Variants in CRB1 observed in about 807,000 individuals in gnomAD.
The protein encoded by CRB1 is crumbs cell polarity complex component 1, also known as protein crumbs homolog 1.
A neutral mutation model predicts 120.0 loss-of-function variants in CRB1; 83 were observed. The ratio of observed to expected loss-of-function variants is 0.69; its 90% CI spans 0.58 to 0.83. The LOEUF (loss-of-function observed/expected upper bound fraction) is 0.83. Ranked by LOEUF, CRB1 falls within the 40% of genes least tolerant of loss-of-function variation. The pLI is 0.00. For synonymous variants in CRB1, 625 were observed against 612.5 expected (o/e 1.02, Z -0.30); for missense variants, 1,699 against 1,687.6 (o/e 1.01, Z -0.12).
chr1:197,383,752 C>T (rs1662076050), intron 5 of CRB1, among the ~76,000 whole-genome samples: 1 of 152,158 alleles, frequency 6.6e-6, no homozygotes, highest in South Asian at 2.1e-4. Context: ...AACATTTTCT[C>T]TCCTCTTTAT....
At chr1:197,400,702 T>C (rs1314213504) in intron 5 of CRB1, among the ~76,000 whole-genome samples, 1 of 152,128 alleles carries the variant, frequency 6.6e-6, no homozygotes, top group Non-Finnish European at 1.5e-5. Flanking sequence ...CCAGCCCTGA[T>C]TTAAGGTTTC....
At chr1:197,353,495 T>C (rs899393311) in intron 4 of CRB1, among the ~76,000 whole-genome samples, 1 of 152,206 alleles carries the variant, frequency 6.6e-6, no homozygotes, top group Non-Finnish European at 1.5e-5. Context: ...CTTAGGCGAC[T>C]GTGAAGTTGA....
chr1:197,377,945 G>T (rs978343517), intron 5 of CRB1, among the ~76,000 whole-genome samples: 5 of 152,060 alleles, frequency 3.3e-5, no homozygotes. Context: ...GTATCCTCCC[G>T]GCACTATCTT....
chr1:197,252,364 C>T, the CRB1 span, among the ~76,000 whole-genome samples: 4 of 150,430 alleles, frequency 2.7e-5, no homozygotes, highest in Non-Finnish European at 5.9e-5. Context: ...TTGCAAACCA[C>T]AGTGCATTCT....
intron 5 of CRB1, among the ~76,000 whole-genome samples, chr1:197,398,952 C>A (rs911854565): frequency 6.8e-6 from 1 of 147,028 alleles, no homozygotes; most frequent in African/African-American, 2.5e-5. Context: ...CAGATATAGA[C>A]TATATATGTG....
At chr1:197,295,373 G>A (rs1411914891) in intron 1 of CRB1, among the ~76,000 whole-genome samples, 2 of 151,896 alleles carry the variant, frequency 1.3e-5, no homozygotes, top group Non-Finnish European at 2.9e-5. Context: ...CAAGAGCAAG[G>A]GTCAGAAGCA....
chr1:197,214,415 GA>G, the CRB1 span, among the ~76,000 whole-genome samples: 5 of 152,082 alleles, frequency 3.3e-5, no homozygotes, highest in South Asian at 8.3e-4. Flanking sequence ...CTTCTTATAT[GA>G]AGGGCCCAAT....
intron 10 of CRB1, 99 bp downstream of exon 10, chr1:197,438,774 C>A: frequency 1.4e-6 from 2 of 1,459,528 alleles, no homozygotes; most frequent in East Asian, 2.3e-5. Context: ...TCTCAGTTCC[C>A]ATAGGAAAAT....
chr1:197,393,309 TC>T (rs1558104196), intron 5 of CRB1, among the ~76,000 whole-genome samples: 3 of 152,254 alleles, frequency 2.0e-5, no homozygotes, highest in Admixed American at 2.0e-4. Flanking sequence ...GGTTTGCTCC[TC>T]CTACCTTAAT....
At chr1:197,398,955 T>C (rs528099209) in intron 5 of CRB1, among the ~76,000 whole-genome samples, 2 of 151,350 alleles carry the variant, frequency 1.3e-5, no homozygotes, top group South Asian at 2.1e-4. Flanking sequence ...ATATAGACTA[T>C]ATATGTGACT....
chr1:197,438,498 A>G (rs1229462423), intron 9 of CRB1, 49 bp from the exon 10 acceptor site: 32 of 1,607,346 alleles, frequency 2.0e-5, no homozygotes, highest in African/African-American at 2.7e-5. Context: ...CTTTTCTTGA[A>G]TGAGATGAAC....
At chr1:197,352,831 T>G (rs1388404724) in intron 4 of CRB1, among the ~76,000 whole-genome samples, 2 of 152,198 alleles carry the variant, frequency 1.3e-5, no homozygotes, top group African/African-American at 4.8e-5. Flanking sequence ...TATGATCTCA[T>G]TTAGGTGTTT....
intron 5 of CRB1, among the ~76,000 whole-genome samples, chr1:197,418,302 T>C (rs2125462734): frequency 6.6e-6 from 1 of 152,348 alleles, no homozygotes; most frequent in East Asian, 1.9e-4. Flanking sequence ...CTTTAGAATA[T>C]ACTGTAGTTT....
At chr1:197,230,004 GC>G in the CRB1 span, among the ~76,000 whole-genome samples, 1 of 152,128 alleles carries the variant, frequency 6.6e-6, no homozygotes, top group Non-Finnish European at 1.5e-5. Flanking sequence ...ATCTTCTATA[GC>G]ATTTATAATA....
At chr1:197,331,794 CTA>C (rs1658870172) in intron 2 of CRB1, among the ~76,000 whole-genome samples, 1 of 152,138 alleles carries the variant, frequency 6.6e-6, no homozygotes, top group Admixed American at 6.5e-5. Context: ...GCTTGCAAAA[CTA>C]TATTTTACAA....
chr1:197,246,990 A>G, the CRB1 span, among the ~76,000 whole-genome samples: 1 of 152,080 alleles, frequency 6.6e-6, no homozygotes, highest in Non-Finnish European at 1.5e-5. Flanking sequence ...ATAAATTCAG[A>G]TAGACTGTAC....
At chr1:197,327,456 G>A (rs961237838) in intron 1 of CRB1, among the ~76,000 whole-genome samples, 1 of 151,854 alleles carries the variant, frequency 6.6e-6, no homozygotes, top group African/African-American at 2.4e-5. Context: ...AAACATACTC[G>A]GCCTCATAAT....
intron 1 of CRB1, among the ~76,000 whole-genome samples, chr1:197,325,293 T>C (rs1009985437): frequency 1.3e-5 from 2 of 152,184 alleles, no homozygotes; most frequent in African/African-American, 4.8e-5. Flanking sequence ...TCTCATAAAT[T>C]GGCATTCTTA....
At chr1:197,255,965 T>TTG in the CRB1 span, among the ~76,000 whole-genome samples, 1 of 85,334 alleles carries the variant, frequency 1.2e-5, no homozygotes, top group Admixed American at 1.4e-4. Context: ...ATAGAACATT[T>TTG]TATATATATA....
Sources: gnomAD v4.1 joint callset for allele counts (sites outside exome capture counted in the v4.1 genomes callset) on GRCh38, gnomAD v4.1.1 for gene constraint, MANE v1.5 for transcripts, NCBI Gene and HGNC (gene_info 2026-07-23, HGNC 2026-07-21) for gene names.